Variants in TM9SF2 observed in about 807,000 individuals in gnomAD.
TM9SF2 encodes transmembrane 9 superfamily member 2.
In TM9SF2, 13 loss-of-function variants were observed where a neutral mutation model predicts 84.9. That is an observed-to-expected ratio of 0.15 (90% confidence interval 0.10 to 0.24). The LOEUF is 0.24. Ranked by LOEUF, TM9SF2 falls within the 10% of genes least tolerant of loss-of-function variation. TM9SF2 has a pLI of 1.00. For synonymous variants in TM9SF2, 273 were observed against 285.8 expected (o/e 0.96, Z 0.45); for missense variants, 562 against 818.5 (o/e 0.69, Z 3.82).
At chr13:99,515,053 T>C (rs916293459) in intron 1 of TM9SF2, among the ~76,000 whole-genome samples, 14 of 152,230 alleles carry the variant, frequency 9.2e-5, no homozygotes, top group African/African-American at 3.4e-4. Flanking sequence ...TCTTGCTTCT[T>C]AATCATTTCG....
chr13:99,501,828 T>C, intron 1 of TM9SF2, 51 bp downstream of exon 1: 1 of 1,560,048 alleles, frequency 6.4e-7, no homozygotes, highest in Non-Finnish European at 8.6e-7. Context: ...GGGGAAGTCG[T>C]CCCTATCCGG....
intron 12 of TM9SF2, 55 bp downstream of exon 12, chr13:99,549,277 A>G (rs2046296019): frequency 2.7e-6 from 4 of 1,462,652 alleles, no homozygotes; most frequent in Non-Finnish European, 2.9e-6. Context: ...TTAGTCCCCA[A>G]ATTTTCAGTC....
chr13:99,515,321 T>C (rs1050390605), intron 1 of TM9SF2, among the ~76,000 whole-genome samples: 17 of 152,260 alleles, frequency 1.1e-4, no homozygotes, highest in African/African-American at 4.1e-4. Context: ...CCTTTCTAAT[T>C]AGTGGAAATT....
In TM9SF2 at chr13:99,539,487, C is replaced by A. The variant is rs1594056188; in HGVS notation, c.758C>A (p.Pro253His). The change falls in exon 7 of 17, where the codon CCC becomes CAC. Residue 253 changes from proline to histidine, a missense_variant. By Grantham distance (77) the Pro-to-His change is moderately conservative (BLOSUM62 -2). Coordinates refer to ENST00000376387, the MANE Select transcript of TM9SF2 (RefSeq NM_004800.3). ...THIDKPDCSG[P>H]PMDISNKASG... ...ATAGATAAACCAGACTGCTCAGGGC[C>A]CCCCATGGACATAAGTAACAAGGCT... The A allele has an allele frequency of 1.2e-6, 2 of 1,613,720 alleles. No homozygotes were observed. Among genetic ancestry groups the A allele is most frequent in the Non-Finnish European group, 1.7e-6 (2 of 1,179,786 alleles).
intron 1 of TM9SF2, among the ~76,000 whole-genome samples, chr13:99,503,724 A>AAC (rs2046076846): frequency 6.6e-6 from 1 of 151,060 alleles, no homozygotes; most frequent in Admixed American, 6.6e-5. Context: ...AAAAAAAAAA[A>AAC]AAAAAAAAGA....
Position 99,559,394 on chromosome 13 carries a change from C to T in TM9SF2, c.1784C>T (p.Thr595Met), listed in dbSNP as rs533777024. Residue 595 changes from threonine (T) to methionine (M), a missense_variant, in exon 16 of 17, where the codon ACG becomes ATG. Thr to Met is a moderately conservative substitution (Grantham distance 81). Around this residue, in one of 4 missense-constraint regions of TM9SF2, gnomAD observed 63 missense variants for 109.2 expected, o/e 0.58. Coordinates refer to ENST00000376387, the MANE Select transcript of TM9SF2 (RefSeq NM_004800.3). ...CATTGGCAATGGCGTTCATTCCTTA[C>T]GAGTGGCTTTACTGCAGTTTATTTC... is the stretch of plus-strand genomic sequence containing the variant. ...DYHWQWRSFL[T>M]SGFTAVYFLI... 1.2e-6 allele frequency: 2 copies of T among 1,602,112 alleles called. No homozygotes were observed. The highest frequency in any genetic ancestry group is 1.1e-5 in the South Asian group (1 of 87,376).
intron 12 of TM9SF2, among the ~76,000 whole-genome samples, chr13:99,550,476 T>C (rs1001357952): frequency 6.6e-6 from 1 of 152,238 alleles, no homozygotes; most frequent in Non-Finnish European, 1.5e-5. Context: ...CCTTCCTTTT[T>C]TGGCTTCATA....
rs75517145 is a variant in TM9SF2 at position 99,542,168 on chromosome 13, T to A, written c.1017+501T>A. Among the ~76,000 whole-genome samples, 30 of 129,226 alleles carry A rather than the reference T, an allele frequency of 2.3e-4. 1 individual carries two copies. The highest frequency in any genetic ancestry group is 7.7e-4 in the South Asian group (3 of 3,906). The allele number at this position is 129,226 out of a possible 152,430, so 84.8% of individuals were successfully genotyped here. A position where few individuals can be genotyped will look rare whatever the true frequency, so the allele number is the denominator to read the frequency against. On this transcript the variant is annotated intron_variant, in intron 9 of 16. Transcript: ENST00000376387. ...CTGTCTCAAAAAAAAAAAAAAAAAA[T>A]AGAAATGGAGTCAGCACAGCCTTGG...
intron 2 of TM9SF2, among the ~76,000 whole-genome samples, chr13:99,518,206 C>T (rs137866315): frequency 7.9e-4 from 121 of 152,270 alleles, no homozygotes; most frequent in African/African-American, 2.8e-3. Context: ...CTGCCTCCCG[C>T]GTTCAGGCGA....
chr13:99,560,662 ATTTT>A (rs1566575396), intron 16 of TM9SF2, among the ~76,000 whole-genome samples: 1 of 152,082 alleles, frequency 6.6e-6, no homozygotes, highest in Admixed American at 6.5e-5. Flanking sequence ...CATCACCTAA[ATTTT>A]ATTTATTTTT....
intron 3 of TM9SF2, among the ~76,000 whole-genome samples, chr13:99,527,155 G>A (rs2046187057): frequency 6.6e-6 from 1 of 152,152 alleles, no homozygotes; most frequent in Non-Finnish European, 1.5e-5. Flanking sequence ...TGTGGGAATG[G>A]AAGGATGACA....
chr13:99,509,191 C>T (rs1184031297), intron 1 of TM9SF2, among the ~76,000 whole-genome samples: 1 of 152,228 alleles, frequency 6.6e-6, no homozygotes. Context: ...AGGTTCAACC[C>T]CCACAGCTGT....
rs1285634555 is a variant in TM9SF2 at position 99,512,172 on chromosome 13, C to G, written c.172-5442C>G. 2.0e-5 allele frequency among the ~76,000 whole-genome samples: 3 copies of G among 152,220 alleles called. No individual in the cohort carries two copies. The East Asian group carries it at 5.8e-4, about 29-fold the overall frequency. On this transcript the variant is annotated intron_variant, in intron 1 of 16. Coordinates refer to ENST00000376387, the MANE Select transcript of TM9SF2 (RefSeq NM_004800.3). ...ACCCTTATGCTGATAAACCTTTATT[C>G]AGACTCAGGAATGGCAGTTTCTTTA...
chr13:99,520,016 T>G lies in TM9SF2; in HGVS notation c.240-20T>G. 1 of 1,607,566 alleles carries G rather than the reference T, an allele frequency of 6.2e-7. No homozygotes were observed. Among genetic ancestry groups the G allele is most frequent in the Non-Finnish European group, 8.5e-7 (1 of 1,177,420 alleles). On this transcript the variant is annotated intron_variant, in intron 2 of 16. Transcript: ENST00000376387. The stretch of plus-strand genomic sequence containing the variant: ...CATCGTTCCCTTTTATGTGTAAAAA[T>G]TTAAATATTCTTCTCCCAGGTTTGA...
chr13:99,557,187 CA>C (rs2046328131), intron 15 of TM9SF2, among the ~76,000 whole-genome samples: 3 of 152,132 alleles, frequency 2.0e-5, no homozygotes, highest in Non-Finnish European at 4.4e-5. Context: ...GTATCTTTGC[CA>C]ACACTTACCT....
At chr13:99,561,443 A>G (rs559307952) in intron 16 of TM9SF2, among the ~76,000 whole-genome samples, 8 of 152,344 alleles carry the variant, frequency 5.3e-5, no homozygotes, top group Admixed American at 4.6e-4. Context: ...AATTTATGCA[A>G]GTAAGTACAA....
At chr13:99,529,411 G>A in intron 3 of TM9SF2, 56 bp from the exon 4 acceptor site, 1 of 1,429,438 alleles carries the variant, frequency 7.0e-7, no homozygotes, top group Non-Finnish European at 9.2e-7. Context: ...TGTGATATTG[G>A]TATGAAAAAC....
In TM9SF2 at chr13:99,537,742, G is replaced by C; in HGVS notation, c.595G>C (p.Asp199His). The change falls in exon 6 of 17, where the codon GAT becomes CAT. Residue 199 changes from aspartate to histidine, a missense_variant. Around this residue, in one of 4 missense-constraint regions of TM9SF2, gnomAD observed 267 missense variants for 316.7 expected, o/e 0.84. Transcript: ENST00000376387. ...HAKDACVISS[D>H]FHERDTFYIF... ...ACTTTTAAGTTCTGTTCTGCAGTCAGATTTCCATGAAAGAGATACATTTTA... is the reference window on the plus strand; with the variant it reads ...ACTTTTAAGTTCTGTTCTGCAGTCACATTTCCATGAAAGAGATACATTTTA... The C allele has an allele frequency of 6.2e-7, 1 of 1,602,632 alleles. No homozygotes were observed. The highest frequency in any genetic ancestry group is 8.5e-7 in the Non-Finnish European group (1 of 1,177,528).
intron 1 of TM9SF2, among the ~76,000 whole-genome samples, chr13:99,516,390 C>T (rs140832673): frequency 6.6e-6 from 1 of 152,326 alleles, no homozygotes; most frequent in Non-Finnish European, 1.5e-5. Flanking sequence ...AGTCCAAAGG[C>T]AGTGTACAGC....
Sources: gnomAD v4.1 joint callset for allele counts (sites outside exome capture counted in the v4.1 genomes callset) on GRCh38, gnomAD v4.1.1 for gene constraint, gnomAD v4.1.1 regional missense constraint, MANE v1.5 for transcripts, NCBI Gene and HGNC (gene_info 2026-07-23, HGNC 2026-07-21) for gene names.